AQP10: variants seen among roughly 807,000 people sequenced by gnomAD.
AQP10 encodes the protein aquaporin-10.
In AQP10, 15 loss-of-function variants were observed where a neutral mutation model predicts 21.0. That is an observed-to-expected ratio of 0.71 (90% CI 0.48 to 1.10). The LOEUF (loss-of-function observed/expected upper bound fraction) is 1.10. Ranked by LOEUF, AQP10 falls within the 50% of genes least tolerant of loss-of-function variation. The probability of loss-of-function intolerance (pLI) is 0.00; values close to 1 mark genes in which losing one functional copy is unlikely to be tolerated. For synonymous variants in AQP10, 143 were observed against 155.7 expected, an observed-to-expected ratio of 0.92 and a Z score of 0.61; for missense variants, 268 against 379.5, an observed-to-expected ratio of 0.71 and a Z score of 2.44.
chr1:154,324,584 G>C lies in AQP10; in HGVS notation c.*104G>C. On this transcript the variant is annotated 3_prime_UTR_variant, in exon 6 of 6. Coordinates refer to ENST00000324978, the MANE Select transcript of AQP10 (RefSeq NM_080429.3). ...TTTGTTAATGTGCCAGAACCTGGGA[G>C]GCTTCTCTGTTTATCTGTTTGGCAT... The C allele has an allele frequency of 8.1e-7, 1 of 1,234,196 alleles. No individual in the cohort carries two copies. Among genetic ancestry groups the C allele is most frequent in the South Asian group, 1.5e-5 (1 of 67,236 alleles). 76.5% of individuals were successfully genotyped at this position (1,234,196 alleles called of 1,614,324 possible).
chr1:154,321,094 T>C lies in AQP10; in HGVS notation c.-62T>C. The stretch of plus-strand genomic sequence containing the variant: ...CTTTGCTGGAGGCAGGCAGTAGCTG[T>C]GCAGTGACAGTGTGCCTATGCAGAC... On this transcript the variant is annotated 5_prime_UTR_variant, in exon 1 of 6. Coordinates refer to ENST00000324978, the MANE Select transcript of AQP10 (RefSeq NM_080429.3). 7.2e-7 allele frequency: 1 copy of C among 1,384,276 alleles called. No homozygotes were observed. The allele number at this position is 1,384,276 out of a possible 1,614,324, so 85.7% of individuals were successfully genotyped here.
intron 1 of AQP10, among the ~76,000 whole-genome samples, chr1:154,321,702 A>G (rs1685644602): frequency 1.3e-5 from 2 of 152,156 alleles, no homozygotes; most frequent in African/African-American, 4.8e-5. Context: ...ATGGGTTTGT[A>G]CCCTCAAATG....
intron 2 of AQP10, among the ~76,000 whole-genome samples, chr1:154,322,454 C>T (rs1273137973): frequency 2.7e-5 from 4 of 150,262 alleles, no homozygotes; most frequent in Non-Finnish European, 4.4e-5. Context: ...AGCAGACAGA[C>T]CTAGGTTCCA....
chr1:154,322,924 G>A, intron 2 of AQP10, 58 bp from the exon 3 acceptor site: 2 of 1,607,178 alleles, frequency 1.2e-6, no homozygotes, highest in Middle Eastern at 3.5e-4. Context: ...GTTGTCTGGT[G>A]ACAATGCCTG....
chr1:154,324,214 C>A, intron 5 of AQP10, 68 bp from the exon 6 acceptor site: 1 of 1,425,102 alleles, frequency 7.0e-7, no homozygotes, highest in Non-Finnish European at 9.4e-7. Flanking sequence ...GTTACTGCCC[C>A]CCGTCCTTGG....
At chr1:154,324,212 C>A in intron 5 of AQP10, 70 bp from the exon 6 acceptor site, 1 of 1,407,654 alleles carries the variant, frequency 7.1e-7, no homozygotes, top group Non-Finnish European at 9.5e-7. Flanking sequence ...TTGTTACTGC[C>A]CCCCGTCCTT....
In AQP10 at chr1:154,324,558, C is replaced by T. The variant is rs1386827300; in HGVS notation, c.*78C>T. 6.1e-5 allele frequency: 88 copies of T among 1,453,182 alleles called. No homozygotes were observed. Among genetic ancestry groups the T allele is most frequent in the Non-Finnish European group, 7.2e-5 (77 of 1,065,772 alleles). The allele number at this position is 1,453,182 out of a possible 1,614,324, so 90.0% of individuals were successfully genotyped here. A position where few individuals can be genotyped will look rare whatever the true frequency, so the allele number is the denominator to read the frequency against. On this transcript the variant is annotated 3_prime_UTR_variant, in exon 6 of 6. Coordinates refer to ENST00000324978, the MANE Select transcript of AQP10 (RefSeq NM_080429.3). ...CCTGGGAACAACAGTCATTCTTCCT[C>T]TTTGTTAATGTGCCAGAACCTGGGA...
In AQP10 at chr1:154,324,513, G is replaced by A. The variant is rs773354186; in HGVS notation, c.*33G>A. 5 of 1,593,906 alleles carry A rather than the reference G, an allele frequency of 3.1e-6. No homozygotes were observed. The highest frequency in any genetic ancestry group is 3.5e-5 in the Admixed American group (2 of 57,136). On this transcript the variant is annotated 3_prime_UTR_variant, in exon 6 of 6. Transcript: ENST00000324978. ...AACCCTCACTTCACTCATGGACCCT[G>A]GAGCCAGCCACTGACCCCGCCTGGG...
chr1:154,323,996 T>C lies in AQP10; in HGVS notation c.707+190T>C. The stretch of plus-strand genomic sequence containing the variant: ...CAACTTTTCACTGAAACAGTAAGAT[T>C]TAGAGGTTGTGTTCTTAGGCATGCC... On this transcript the variant is annotated intron_variant, in intron 5 of 5. Coordinates refer to ENST00000324978, the MANE Select transcript of AQP10 (RefSeq NM_080429.3). The surrounding 1 kb of genome is among the most constrained non-coding windows in gnomAD (Gnocchi z 4.5). The C allele has an allele frequency of 6.9e-7, 1 of 1,447,186 alleles. No homozygotes were observed. The highest frequency in any genetic ancestry group is 1.5e-5 in the South Asian group (1 of 67,778). The allele number at this position is 1,447,186 out of a possible 1,614,324, so 89.6% of individuals were successfully genotyped here.
At chr1:154,322,877 A>C in intron 2 of AQP10, 105 bp from the exon 3 acceptor site, 1 of 1,407,648 alleles carries the variant, frequency 7.1e-7, no homozygotes, top group Non-Finnish European at 9.8e-7. Context: ...TGAGAATTAC[A>C]CTATCTGCCT....
In AQP10 at chr1:154,324,429, C is replaced by G; in HGVS notation, c.855C>G (p.Ala285=). 2 of 1,613,778 alleles carry G rather than the reference C, an allele frequency of 1.2e-6. No homozygotes were observed. Among genetic ancestry groups the G allele is most frequent in the Non-Finnish European group, 1.7e-6 (2 of 1,179,988 alleles). Residue 285 remains alanine, a synonymous_variant, in exon 6 of 6, where the codon GCC becomes GCG. Transcript: ENST00000324978. ...ATCTGGTGTCTGCTCAACACAAAGC[C>G]TCAGAGTTGGAAACTCCTGCCTCAG... ...AQDLVSAQHK[A]SELETPASAQ... is the part of the protein sequence containing the mutation.
In AQP10 at chr1:154,322,013, C is replaced by G; in HGVS notation, c.186C>G (p.Gly62=). 6.2e-7 allele frequency: 1 copy of G among 1,613,902 alleles called. No individual in the cohort carries two copies. The highest frequency in any genetic ancestry group is 8.5e-7 in the Non-Finnish European group (1 of 1,179,884). Residue 62 remains glycine, a synonymous_variant, in exon 2 of 6, where the codon GGC becomes GGG. Coordinates refer to ENST00000324978, the MANE Select transcript of AQP10 (RefSeq NM_080429.3). ...KGNFFTMFLA[G]SLAVTIAIYV... is the part of the protein sequence containing the mutation. ...ACTTCTTCACCATGTTTCTGGCTGG[C>G]TCTCTGGCCGTTACGATAGCCATCT... is the stretch of plus-strand genomic sequence containing the variant.
rs377009982 is a variant in AQP10, at chr1:154,322,096, G to C, written c.232+37G>C. On this transcript the variant is annotated intron_variant, in intron 2 of 5. Coordinates refer to ENST00000324978, the MANE Select transcript of AQP10 (RefSeq NM_080429.3). ...GGGGTCTGGTCATCAGAGCACGTGG[G>C]ATGTGCATGCCAGTTTGTCTGTCTG... The C allele has an allele frequency of 1.4e-5, 23 of 1,611,338 alleles. No individual in the cohort carries two copies. The Admixed American group carries it at 2.5e-4, about 18-fold the overall frequency.
At chr1:154,322,269 C>T (rs991851015) in intron 2 of AQP10, among the ~76,000 whole-genome samples, 2 of 152,158 alleles carry the variant, frequency 1.3e-5, no homozygotes, top group Non-Finnish European at 2.9e-5. Flanking sequence ...CTTGGCTCAC[C>T]TAGACAGAAA....
Position 154,321,197 on chromosome 1 carries a change from C to T in AQP10, c.42C>T (p.Leu14=). Residue 14 remains leucine (L), a synonymous_variant, in exon 1 of 6, where the codon CTC becomes CTT. Transcript: ENST00000324978. ...CCCCGGCTGAAATCATGGGCCACCT[C>T]CGGATACGCAGCCTCCTGGCCCGGC... ...TQAPAEIMGH[L]RIRSLLARQC... The T allele has an allele frequency of 6.2e-7, 1 of 1,613,940 alleles. No individual in the cohort carries two copies. The highest frequency in any genetic ancestry group is 8.5e-7 in the Non-Finnish European group (1 of 1,179,916).
Position 154,323,181 on chromosome 1 carries a change from CAGAATG to C in AQP10, c.371-59_371-54del. On this transcript the variant is annotated intron_variant, in intron 3 of 5. Coordinates refer to ENST00000324978, the MANE Select transcript of AQP10 (RefSeq NM_080429.3). This position sits in a 1 kb window ranked among gnomAD's most constrained non-coding sequence, Gnocchi z 4.5. Reference sequence around the variant, plus strand: ...CACCTGTGGGTGGGCAGGGGTGCCTCAGAATGGTTTTGGATGAATGAGCAAAGAGGG... The same window carrying C: ...CACCTGTGGGTGGGCAGGGGTGCCTCGTTTTGGATGAATGAGCAAAGAGGG... 6.2e-7 allele frequency: 1 copy of C among 1,613,836 alleles called. No individual in the cohort carries two copies. Among genetic ancestry groups the C allele is most frequent in the Non-Finnish European group, 8.5e-7 (1 of 1,179,756 alleles).
rs1160861207 is a variant in AQP10, at chr1:154,324,618, C to T, written c.*138C>T. 1.2e-6 allele frequency: 1 copy of T among 866,598 alleles called. No individual in the cohort carries two copies. Among genetic ancestry groups the T allele is most frequent in the Non-Finnish European group, 1.7e-6 (1 of 578,660 alleles). The allele number at this position is 866,598 out of a possible 1,614,324, so 53.7% of individuals were successfully genotyped here. On this transcript the variant is annotated 3_prime_UTR_variant, in exon 6 of 6. Coordinates refer to ENST00000324978, the MANE Select transcript of AQP10 (RefSeq NM_080429.3). ...GTTTATCTGTTTGGCATCCCTTCCTCCTAAACTAAGAAGGATCCTGGACAG... is the reference window on the plus strand; with the variant it reads ...GTTTATCTGTTTGGCATCCCTTCCTTCTAAACTAAGAAGGATCCTGGACAG...
In AQP10 at chr1:154,323,080, G is replaced by T. The variant is rs752139965; in HGVS notation, c.331G>T (p.Ala111Ser). ...PIYILVQLLSAFCASGATYVL... is the reference protein window; with the variant it reads ...PIYILVQLLSSFCASGATYVL... ...TTACATCTTGGTGCAGTTGCTGTCT[G>T]CTTTCTGTGCTTCGGGAGCCACCTA... The change falls in exon 3 of 6, where the codon GCT becomes TCT. Residue 111 changes from alanine (A) to serine (S), a missense_variant. This residue lies in a region of AQP10 where 229 missense variants were observed against 295.1 expected (regional missense o/e 0.78). Coordinates refer to ENST00000324978, the MANE Select transcript of AQP10 (RefSeq NM_080429.3). The surrounding 1 kb of genome is among the most constrained non-coding windows in gnomAD (Gnocchi z 4.5). 6.2e-7 allele frequency: 1 copy of T among 1,614,200 alleles called. No individual in the cohort carries two copies. The highest frequency in any genetic ancestry group is 2.2e-5 in the East Asian group (1 of 44,890).
chr1:154,324,008 T>C (rs1190592147), intron 5 of AQP10: 154 of 1,437,886 alleles, frequency 1.1e-4, no homozygotes, highest in Non-Finnish European at 1.3e-4. Flanking sequence ...AGAGGTTGTG[T>C]TCTTAGGCAT....
Sources: allele counts gnomAD v4.1 joint callset (sites outside exome capture counted in the v4.1 genomes callset), GRCh38; gene constraint gnomAD v4.1.1; regional missense constraint gnomAD v4.1.1; non-coding constraint Gnocchi (gnomAD v3.1); transcripts MANE v1.5; gene names NCBI Gene and HGNC (gene_info 2026-07-23, HGNC 2026-07-21).